Variants in PTPN11 observed in about 807,000 individuals in gnomAD.
The protein encoded by PTPN11 is protein tyrosine phosphatase non-receptor type 11.
A neutral mutation model predicts 78.8 loss-of-function variants in PTPN11; 6 were observed. The ratio of observed to expected loss-of-function variants is 0.08; its 90% CI spans 0.04 to 0.15. The LOEUF (loss-of-function observed/expected upper bound fraction) is 0.15, where lower values mean the gene tolerates loss of function less well. PTPN11 is among the 10% of genes least tolerant of loss of function. The pLI is 1.00. For missense variants in PTPN11, 386 were observed against 744.8 expected, an observed-to-expected ratio of 0.52 and a Z score of 5.61; for synonymous variants, 221 against 263.5, an observed-to-expected ratio of 0.84 and a Z score of 1.56.
intron 1 of PTPN11, among the ~76,000 whole-genome samples, chr12:112,438,018 A>C (rs955800323): frequency 2.6e-5 from 4 of 152,140 alleles, no homozygotes; most frequent in African/African-American, 9.7e-5. Context: ...CCCTGGAATC[A>C]TGCCCCTTTC....
chr12:112,460,560 A>C (rs2038231611), intron 6 of PTPN11, among the ~76,000 whole-genome samples: 1 of 152,036 alleles, frequency 6.6e-6, no homozygotes, highest in African/African-American at 2.4e-5. Flanking sequence ...TAAAAATCTT[A>C]AGTCTGGGCG....
chr12:112,501,765 TC>T (rs1338241662), intron 13 of PTPN11, among the ~76,000 whole-genome samples: 1 of 152,228 alleles, frequency 6.6e-6, no homozygotes, highest in Admixed American at 6.5e-5. Flanking sequence ...TTTTCGGAGT[TC>T]CTTTCCCAGC....
chr12:112,420,854 A>G (rs1299417335), intron 1 of PTPN11, among the ~76,000 whole-genome samples: 1 of 152,186 alleles, frequency 6.6e-6, no homozygotes, highest in Non-Finnish European at 1.5e-5. Flanking sequence ...CAAATGTTCT[A>G]ATTCTTTAGG....
chr12:112,504,418 C>G lies in PTPN11; in HGVS notation c.1713-277C>G, dbSNP rs1695823324. On this transcript the variant is annotated intron_variant, in intron 14 of 15. Coordinates refer to ENST00000351677, the MANE Select transcript of PTPN11 (RefSeq NM_002834.5). The surrounding 1 kb of genome is among the most constrained non-coding windows in gnomAD (Gnocchi z 4.7). ...CCATATTGGCCAGGCTGGTCTCAAA[C>G]TCCTGACCTCGTGATCCACCCACCT... 6.6e-6 allele frequency among the ~76,000 whole-genome samples: 1 copy of G among 152,234 alleles called. No homozygotes were observed. Among genetic ancestry groups the G allele is most frequent in the South Asian group, 2.1e-4 (1 of 4,828 alleles).
chr12:112,429,188 C>G (rs2037671253), intron 1 of PTPN11, among the ~76,000 whole-genome samples: 1 of 152,148 alleles, frequency 6.6e-6, no homozygotes, highest in South Asian at 2.1e-4. Flanking sequence ...AGTATCTATC[C>G]TGCATAACCT....
chr12:112,502,315 A>C (rs1022511012), intron 14 of PTPN11, 59 bp downstream of exon 14: 3 of 1,277,346 alleles, frequency 2.3e-6, no homozygotes, highest in Non-Finnish European at 2.3e-6. Flanking sequence ...AAAGGTTTAA[A>C]AAACAAAAAC....
In PTPN11 at chr12:112,482,290, A is replaced by C. The variant is rs559232385; in HGVS notation, c.1224+85A>C. 131 of 1,468,166 alleles carry C rather than the reference A, an allele frequency of 8.9e-5. No individual in the cohort carries two copies. The African/African-American group carries it at 1.7e-3, about 19-fold the overall frequency. 90.9% of individuals were successfully genotyped at this position (1,468,166 alleles called of 1,614,324 possible). A position where few individuals can be genotyped will look rare whatever the true frequency, so the allele number is the denominator to read the frequency against. On this transcript the variant is annotated intron_variant, in intron 10 of 15. Coordinates refer to ENST00000351677, the MANE Select transcript of PTPN11 (RefSeq NM_002834.5). This position sits in a 1 kb window ranked among gnomAD's most constrained non-coding sequence, Gnocchi z 4.4. ...GGGTCTTGCCGTTACTCATGTTTGC[A>C]TACATGCATGCATTCGCTCACTCAT... is the stretch of plus-strand genomic sequence containing the variant.
intron 5 of PTPN11, 176 bp downstream of exon 5, chr12:112,454,856 G>A (rs950788813): frequency 4.8e-6 from 3 of 619,328 alleles, no homozygotes; most frequent in African/African-American, 2.2e-5. Context: ...GTCTTACTCT[G>A]TCACCCAGTC....
chr12:112,451,164 T>C (rs2038074278), intron 3 of PTPN11, among the ~76,000 whole-genome samples: 1 of 152,210 alleles, frequency 6.6e-6, no homozygotes, highest in Non-Finnish European at 1.5e-5. Flanking sequence ...CAGGATCTCT[T>C]AGTTAGTTTG....
rs1023452343 is a variant in PTPN11 at position 112,482,518 on chromosome 12, T to C, written c.1224+313T>C. On this transcript the variant is annotated intron_variant, in intron 10 of 15. Coordinates refer to ENST00000351677, the MANE Select transcript of PTPN11 (RefSeq NM_002834.5). This position sits in a 1 kb window ranked among gnomAD's most constrained non-coding sequence, Gnocchi z 4.4. ...GGGAGGCTGAGGTGGGTGGATCGCTTGAGCCGGGGAGTTCGAGACCAGCCC... is the reference window on the plus strand; with the variant it reads ...GGGAGGCTGAGGTGGGTGGATCGCTCGAGCCGGGGAGTTCGAGACCAGCCC... 4.6e-5 allele frequency among the ~76,000 whole-genome samples: 7 copies of C among 152,110 alleles called. No individual in the cohort carries two copies. Among genetic ancestry groups the C allele is most frequent in the African/African-American group, 1.7e-4 (7 of 41,416 alleles).
In PTPN11 at chr12:112,489,123, T is replaced by C. The variant is rs994514579; in HGVS notation, c.1547T>C (p.Met516Thr). ...GAAGCACAGTACCGATTTATCTATA[T>C]GGCGGTCCAGCATTATATTGAAACA... Reference protein sequence around the residue: ...QTEAQYRFIYMAVQHYIETLQ... With the variant: ...QTEAQYRFIYTAVQHYIETLQ... The change falls in exon 13 of 16, where the codon ATG (methionine) becomes ACG (threonine). Residue 516 changes from methionine (M) to threonine (T), a missense_variant. Met to Thr is a moderately conservative substitution (Grantham distance 81, BLOSUM62 -1). This residue lies in a region of PTPN11 where 63 missense variants were observed against 182.2 expected (regional missense o/e 0.35). Transcript: ENST00000351677. The C allele has an allele frequency of 1.2e-6, 2 of 1,614,198 alleles. No individual in the cohort carries two copies. Among genetic ancestry groups the C allele is most frequent in the South Asian group, 1.1e-5 (1 of 91,078 alleles).
rs985539518 is a variant in PTPN11 at position 112,482,430 on chromosome 12, A to G, written c.1224+225A>G. 2.0e-5 allele frequency among the ~76,000 whole-genome samples: 3 copies of G among 152,186 alleles called. No individual in the cohort carries two copies. The highest frequency in any genetic ancestry group is 4.4e-5 in the Non-Finnish European group (3 of 68,026). On this transcript the variant is annotated intron_variant, in intron 10 of 15. Transcript: ENST00000351677. The surrounding 1 kb of genome is among the most constrained non-coding windows in gnomAD (Gnocchi z 4.4). The stretch of plus-strand genomic sequence containing the variant: ...CTGCCCTCATCGAGCCTAGGGAGAT[A>G]GACAATTTAAAAACAAATAACTGGC...
intron 1 of PTPN11, among the ~76,000 whole-genome samples, chr12:112,435,293 T>G (rs946811733): frequency 1.3e-5 from 2 of 152,214 alleles, no homozygotes; most frequent in Non-Finnish European, 2.9e-5. Context: ...GTGCTGCGAT[T>G]ACAGGTGTGA....
At chr12:112,495,234 AG>A (rs2038799723) in intron 13 of PTPN11, among the ~76,000 whole-genome samples, 1 of 152,238 alleles carries the variant, frequency 6.6e-6, no homozygotes, top group East Asian at 1.9e-4. Flanking sequence ...GGATTTTGCC[AG>A]TTTTCCAATG....
rs1249746906 is a variant in PTPN11, at chr12:112,464,457, T to C, written c.756+8394T>C. On this transcript the variant is annotated intron_variant, in intron 6 of 15. Coordinates refer to ENST00000351677, the MANE Select transcript of PTPN11 (RefSeq NM_002834.5). ...TTATTAGTTATTATTATTTTTGAGA[T>C]GGAGTCTCACTCTGTCACCCAGGCT... 2.0e-5 allele frequency among the ~76,000 whole-genome samples: 3 copies of C among 152,182 alleles called. 1 individual carries two copies. The highest frequency in any genetic ancestry group is 3.8e-4 in the East Asian group (2 of 5,204).
chr12:112,466,761 GC>G (rs2038331490), intron 6 of PTPN11, among the ~76,000 whole-genome samples: 1 of 152,174 alleles, frequency 6.6e-6, no homozygotes, highest in Admixed American at 6.5e-5. Flanking sequence ...GGTTGGTCTG[GC>G]CGTAATGGTG....
rs1592830197 is a variant in PTPN11, at chr12:112,454,653, A to T, written c.615A>T (p.Thr205=). The change falls in exon 5 of 16, where the codon ACA becomes ACT. Residue 205 remains threonine, a synonymous_variant. Coordinates refer to ENST00000351677, the MANE Select transcript of PTPN11 (RefSeq NM_002834.5). The part of the protein sequence containing the change: ...EHYKKNPMVE[T]LGTVLQLKQP... ...ATAAGAAGAATCCTATGGTGGAAAC[A>T]TTGGGTACAGTACTACAACTCAAGC... The T allele has an allele frequency of 6.2e-7, 1 of 1,613,268 alleles. No homozygotes were observed. Among genetic ancestry groups the T allele is most frequent in the African/African-American group, 1.3e-5 (1 of 74,900 alleles).
At chr12:112,453,120 A>G in intron 3 of PTPN11, 75 bp from the exon 4 acceptor site, 1 of 1,248,598 alleles carries the variant, frequency 8.0e-7, no homozygotes, top group Middle Eastern at 2.7e-4. Context: ...AGCTGACTGT[A>G]TACAGTAGTT....
intron 13 of PTPN11, among the ~76,000 whole-genome samples, chr12:112,500,656 A>G (rs2038864021): frequency 6.6e-6 from 1 of 152,144 alleles, no homozygotes; most frequent in South Asian, 2.1e-4. Context: ...CAGTGGCCTG[A>G]TCTTGGCTCA....
Sources: allele counts gnomAD v4.1 joint callset (sites outside exome capture counted in the v4.1 genomes callset), GRCh38; gene constraint gnomAD v4.1.1; regional missense constraint gnomAD v4.1.1; non-coding constraint Gnocchi (gnomAD v3.1); transcripts MANE v1.5; gene names NCBI Gene and HGNC (gene_info 2026-07-23, HGNC 2026-07-21).